DOP1A: variants seen among roughly 807,000 people sequenced by gnomAD.
DOP1A encodes protein DOP1A.
Under a neutral mutation model 267.6 loss-of-function variants are expected in DOP1A, and 90 were observed. The ratio of observed to expected loss-of-function variants is 0.34; its 90% CI spans 0.28 to 0.40. The LOEUF (loss-of-function observed/expected upper bound fraction) is 0.40, where lower values mean the gene tolerates loss of function less well. Ranked by LOEUF, DOP1A falls within the 10% of genes least tolerant of loss-of-function variation. DOP1A has a pLI of 1.00. For missense variants in DOP1A, 2,437 were observed against 2,900.4 expected (o/e 0.84, Z 3.67); for synonymous variants, 932 against 999.1 (o/e 0.93, Z 1.27).
At chr6:83,107,439 T>A (rs1266321022) in intron 4 of DOP1A, among the ~76,000 whole-genome samples, 2 of 152,192 alleles carry the variant, frequency 1.3e-5, no homozygotes, top group Non-Finnish European at 2.9e-5. Context: ...TTTCTGTTTT[T>A]TATAAACTAG....
Position 83,134,261 on chromosome 6 carries a change from T to C in DOP1A, c.2844T>C (p.Ser948=). The C allele has an allele frequency of 1.2e-6, 2 of 1,612,368 alleles. No individual in the cohort carries two copies. Among genetic ancestry groups the C allele is most frequent in the Admixed American group, 1.7e-5 (1 of 59,860 alleles). ...CGAGAGATCTCCATATAAATAAATC[T>C]TCATCTTTTGTACGTTCTTTTGACA... is the stretch of plus-strand genomic sequence containing the variant. ...HLTRDLHINK[S]SSFVRSFDRS... The change falls in exon 19 of 39, where the codon TCT becomes TCC. Residue 948 remains serine (S), a synonymous_variant. Transcript: ENST00000349129.
chr6:83,157,390 T>C (rs1252133987), intron 35 of DOP1A, 72 bp downstream of exon 35: 1 of 1,495,950 alleles, frequency 6.7e-7, no homozygotes. Context: ...ATGTGCTTAC[T>C]AGATATTAAC....
intron 1 of DOP1A, chr6:83,072,986 C>G (rs1283272058): frequency 2.7e-6 from 1 of 374,602 alleles, no homozygotes; most frequent in Admixed American, 3.1e-5. Context: ...ACAGTACTTG[C>G]TTTAAAGTTA....
chr6:83,120,704 G>A lies in DOP1A; in HGVS notation c.1012G>A (p.Val338Met), dbSNP rs1187703258. 1.9e-6 allele frequency: 3 copies of A among 1,582,796 alleles called. No individual in the cohort carries two copies. Among genetic ancestry groups the A allele is most frequent in the East Asian group, 2.2e-5 (1 of 44,494 alleles). ...AAAGGCAATGGTGGGAATCTTACAA[G>A]TGAATGGATTTGGAGAAGAGAACAC... Reference protein sequence around the residue: ...LVQAMVGILQVNGFGEENTLM... With the variant: ...LVQAMVGILQMNGFGEENTLM... The change falls in exon 10 of 39, where the codon GTG (valine) becomes ATG (methionine). Residue 338 changes from valine to methionine, a missense_variant. By Grantham distance (21) the Val-to-Met change is conservative. Transcript: ENST00000349129.
At chr6:83,097,248 A>G (rs1264255037) in intron 3 of DOP1A, 133 bp downstream of exon 3, 13 of 981,066 alleles carry the variant, frequency 1.3e-5, no homozygotes, top group East Asian at 2.4e-5. Context: ...TGGTAGTGCT[A>G]TTTTTCTTCA....
At chr6:83,166,099 T>TAA (rs1349970521) in intron 38 of DOP1A, 4 of 385,994 alleles carry the variant, frequency 1.0e-5, no homozygotes, top group African/African-American at 8.1e-5. Context: ...AAATGATTCA[T>TAA]TATTGTTGCA....
At chr6:83,097,387 A>G (rs570456967) in intron 3 of DOP1A, among the ~76,000 whole-genome samples, 22 of 152,312 alleles carry the variant, frequency 1.4e-4, no homozygotes, top group African/African-American at 4.6e-4. Flanking sequence ...AAGGAAGCAA[A>G]TATGCTAACT....
chr6:83,124,929 T>G, intron 13 of DOP1A, 110 bp downstream of exon 13: 1 of 1,000,344 alleles, frequency 1.0e-6, no homozygotes, highest in Non-Finnish European at 1.5e-6. Context: ...TTAAATTGAT[T>G]TTTTCCTCTT....
chr6:83,092,639 C>G (rs1287997553), intron 1 of DOP1A, among the ~76,000 whole-genome samples: 1 of 137,622 alleles, frequency 7.3e-6, no homozygotes, highest in Non-Finnish European at 1.5e-5. Context: ...GTACCAAACT[C>G]TAAATTCTGT....
At chr6:83,111,074 T>C (rs1327231876) in intron 6 of DOP1A, among the ~76,000 whole-genome samples, 1 of 152,146 alleles carries the variant, frequency 6.6e-6, no homozygotes, top group Non-Finnish European at 1.5e-5. Context: ...ACTGTTTCTA[T>C]AGTTTTGTTT....
At chr6:83,080,462 A>G (rs545160452) in intron 1 of DOP1A, among the ~76,000 whole-genome samples, 32 of 152,336 alleles carry the variant, frequency 2.1e-4, no homozygotes, top group African/African-American at 7.0e-4. Context: ...CTCAGGAATT[A>G]TATCTCCCTT....
intron 1 of DOP1A, among the ~76,000 whole-genome samples, chr6:83,085,509 C>T (rs189654511): frequency 2.6e-5 from 4 of 152,032 alleles, no homozygotes; most frequent in East Asian, 3.9e-4. Flanking sequence ...TACTGGAGGA[C>T]GGGAAGAAAT....
intron 23 of DOP1A, 144 bp from the exon 24 acceptor site, chr6:83,141,777 G>A (rs147429480): frequency 6.3e-5 from 42 of 669,654 alleles, no homozygotes; most frequent in South Asian, 3.4e-4. Context: ...AGCTCTTAAC[G>A]TTATTAAAGT....
intron 7 of DOP1A, among the ~76,000 whole-genome samples, chr6:83,118,021 C>CT (rs1414920901): frequency 6.6e-6 from 1 of 152,154 alleles, no homozygotes; most frequent in East Asian, 1.9e-4. Flanking sequence ...AGTTCTCCAT[C>CT]TAGCTGGGGC....
chr6:83,086,917 T>C (rs1769365622), intron 1 of DOP1A, among the ~76,000 whole-genome samples: 1 of 152,062 alleles, frequency 6.6e-6, no homozygotes. Context: ...ATTTTAGTTT[T>C]AGTTTTAGTT....
chr6:83,118,278 T>G (rs1775795890), intron 7 of DOP1A, among the ~76,000 whole-genome samples: 1 of 152,088 alleles, frequency 6.6e-6, no homozygotes, highest in South Asian at 2.1e-4. Flanking sequence ...AACCCAGATC[T>G]CCTTTAATCA....
At chr6:83,161,036 G>A (rs1389594840) in intron 37 of DOP1A, 1 of 151,898 alleles carries the variant, frequency 6.6e-6, no homozygotes, top group Non-Finnish European at 1.5e-5. Context: ...TTACACAGAT[G>A]TTACTCCTAA....
At chr6:83,071,244 C>A (rs2127958721) in intron 1 of DOP1A, among the ~76,000 whole-genome samples, 1 of 151,974 alleles carries the variant, frequency 6.6e-6, no homozygotes, top group South Asian at 2.1e-4. Flanking sequence ...TGGAGTCTCA[C>A]TCTGTCATCC....
intron 12 of DOP1A, among the ~76,000 whole-genome samples, chr6:83,123,994 A>G (rs1776740834): frequency 6.6e-6 from 1 of 151,982 alleles, no homozygotes. Flanking sequence ...CCCCTTGCCT[A>G]TCTGCTAAAA....
Sources: allele counts gnomAD v4.1 joint callset (sites outside exome capture counted in the v4.1 genomes callset), GRCh38; gene constraint gnomAD v4.1.1; transcripts MANE v1.5; gene names NCBI Gene and HGNC (gene_info 2026-07-23, HGNC 2026-07-21).